CACNA1B: variants seen among roughly 807,000 people sequenced by gnomAD.
The protein encoded by CACNA1B is voltage-dependent N-type calcium channel subunit alpha-1B.
In CACNA1B, 70 loss-of-function variants were observed where a neutral mutation model predicts 247.2. The ratio of observed to expected loss-of-function variants is 0.28; its 90% CI spans 0.23 to 0.35. The LOEUF is 0.35. CACNA1B is among the 10% of genes least tolerant of loss of function. CACNA1B has a pLI of 1.00. For synonymous variants in CACNA1B, 1,231 were observed against 1,294.4 expected (o/e 0.95, Z 1.05); for missense variants, 2,367 against 3,197.4 (o/e 0.74, Z 6.26).
rs1960156961 is a variant in CACNA1B, at chr9:138,072,220, C to T, written c.4675-1268C>T. On this transcript the variant is annotated intron_variant, in intron 32 of 46. Transcript: ENST00000371372. This position sits in a 1 kb window ranked among gnomAD's most constrained non-coding sequence, Gnocchi z 4.5. Reference sequence around the variant, plus strand: ...AGTCCTGCTCCCACAGTTGCAGCATCCCGCCTGAGAGCCAGTACCTCGAGT... The same window carrying T: ...AGTCCTGCTCCCACAGTTGCAGCATTCCGCCTGAGAGCCAGTACCTCGAGT... Among the ~76,000 whole-genome samples the T allele has an allele frequency of 6.6e-6, 1 of 152,214 alleles. No homozygotes were observed. The highest frequency in any genetic ancestry group is 1.9e-4 in the East Asian group (1 of 5,184).
At chr9:138,115,750 C>A in intron 42 of CACNA1B, 71 bp downstream of exon 42, 3 of 1,477,328 alleles carry the variant, frequency 2.0e-6, no homozygotes, top group South Asian at 2.6e-5. Context: ...AAGCAGACAT[C>A]CCATTTCCTC....
Position 138,052,929 on chromosome 9 carries a change from C to T in CACNA1B, c.3807+741C>T, listed in dbSNP as rs115274359. 6.6e-6 allele frequency among the ~76,000 whole-genome samples: 1 copy of T among 152,186 alleles called. No individual in the cohort carries two copies. The highest frequency in any genetic ancestry group is 1.5e-5 in the Non-Finnish European group (1 of 68,044). ...GACGGTTGTGGCCCCACCTTCCCGT[C>T]ACAGCTAGATCAGAGCAGCCTGTGA... On this transcript the variant is annotated intron_variant, in intron 25 of 46. Coordinates refer to ENST00000371372, the MANE Select transcript of CACNA1B (RefSeq NM_000718.4). This position sits in a 1 kb window ranked among gnomAD's most constrained non-coding sequence, Gnocchi z 5.1.
chr9:137,952,209 G>A lies in CACNA1B; in HGVS notation c.967-65G>A. On this transcript the variant is annotated intron_variant, in intron 6 of 46. Transcript: ENST00000371372. The surrounding 1 kb of genome is among the most constrained non-coding windows in gnomAD (Gnocchi z 4.8). ...GAAGGAGGCCTGTTGGGGGCTGGGG[G>A]TGCTCCTGTGGCCGGGACTGTGTTT... The A allele has an allele frequency of 7.7e-7, 1 of 1,292,616 alleles. No homozygotes were observed. Among genetic ancestry groups the A allele is most frequent in the Non-Finnish European group, 1.1e-6 (1 of 890,728 alleles). 80.1% of individuals were successfully genotyped at this position (1,292,616 alleles called of 1,614,324 possible). A position where few individuals can be genotyped will look rare whatever the true frequency, so the allele number is the denominator to read the frequency against.
intron 15 of CACNA1B, among the ~76,000 whole-genome samples, chr9:137,988,118 T>G (rs969757553): frequency 1.3e-5 from 2 of 152,240 alleles, no homozygotes; most frequent in Non-Finnish European, 2.9e-5. Flanking sequence ...CAGATGTTTT[T>G]GAGCTCTTAG....
At chr9:138,096,447 T>G (rs1455427850) in intron 36 of CACNA1B, 37 bp from the exon 37 acceptor site, 1 of 1,598,568 alleles carries the variant, frequency 6.3e-7, no homozygotes, top group Admixed American at 1.7e-5. Flanking sequence ...CAGGCTGAGG[T>G]CTCTCTCCGT....
chr9:138,013,594 A>C (rs1345491442), intron 18 of CACNA1B, among the ~76,000 whole-genome samples: 1 of 152,158 alleles, frequency 6.6e-6, no homozygotes, highest in African/African-American at 2.4e-5. Flanking sequence ...GCTTTTCAGA[A>C]ATTTATTTTA....
At chr9:138,069,591 C>G (rs1404105609) in intron 31 of CACNA1B, among the ~76,000 whole-genome samples, 167 bp from the exon 32 acceptor site, 1 of 152,096 alleles carries the variant, frequency 6.6e-6, no homozygotes, top group Non-Finnish European at 1.5e-5. Flanking sequence ...CTTTTGTTTT[C>G]TGTTTTTGTT....
At chr9:137,979,912 C>G (rs879303347) in intron 12 of CACNA1B, among the ~76,000 whole-genome samples, 1 of 152,196 alleles carries the variant, frequency 6.6e-6, no homozygotes, top group African/African-American at 2.4e-5. Context: ...AGCAAGGGGA[C>G]ACCAGGAAGC....
intron 25 of CACNA1B, among the ~76,000 whole-genome samples, chr9:138,053,016 G>T (rs1246446693): frequency 1.3e-5 from 2 of 152,248 alleles, no homozygotes; most frequent in Non-Finnish European, 2.9e-5. Context: ...TTCCAGGTTG[G>T]GAGGGACCCA....
chr9:137,943,542 A>C (rs1307509439), intron 6 of CACNA1B, among the ~76,000 whole-genome samples: 1 of 151,988 alleles, frequency 6.6e-6, no homozygotes, highest in East Asian at 1.9e-4. Context: ...GCTTCAATCC[A>C]GCCAGTAAAG....
At chr9:137,956,897 C>A in intron 9 of CACNA1B, 70 bp downstream of exon 9, 1 of 1,289,268 alleles carries the variant, frequency 7.8e-7, no homozygotes, top group Non-Finnish European at 1.1e-6. Flanking sequence ...TGACACGTGC[C>A]TGCTTGCATG....
intron 10 of CACNA1B, among the ~76,000 whole-genome samples, chr9:137,963,550 C>G (rs1468371120): frequency 6.6e-6 from 1 of 152,186 alleles, no homozygotes; most frequent in Non-Finnish European, 1.5e-5. Flanking sequence ...GCATGTGCCA[C>G]CACACCTGGC....
At chr9:138,053,377 A>G (rs1357678767) in intron 25 of CACNA1B, among the ~76,000 whole-genome samples, 1 of 152,164 alleles carries the variant, frequency 6.6e-6, no homozygotes, top group East Asian at 1.9e-4. Context: ...TTGTGTGTCA[A>G]GGAAGCTGGC....
In CACNA1B at chr9:138,054,781, G is replaced by A. The variant is rs1246953711; in HGVS notation, c.3968+775G>A. Among the ~76,000 whole-genome samples the A allele has an allele frequency of 1.3e-5, 2 of 152,186 alleles. No homozygotes were observed. Among genetic ancestry groups the A allele is most frequent in the Non-Finnish European group, 2.9e-5 (2 of 68,038 alleles). ...TGTGTAAAATTACACTCTCTCCAGC[G>A]TAGATGAGAGCCCCACATCCTAGCT... On this transcript the variant is annotated intron_variant, in intron 26 of 46. Coordinates refer to ENST00000371372, the MANE Select transcript of CACNA1B (RefSeq NM_000718.4). The surrounding 1 kb of genome is among the most constrained non-coding windows in gnomAD (Gnocchi z 4.6).
At chr9:138,070,617 A>T (rs1268354664) in intron 32 of CACNA1B, among the ~76,000 whole-genome samples, 4 of 152,240 alleles carry the variant, frequency 2.6e-5, no homozygotes, top group Non-Finnish European at 5.9e-5. Flanking sequence ...TGATACAGCG[A>T]TTCACAATTG....
intron 15 of CACNA1B, among the ~76,000 whole-genome samples, chr9:137,992,454 C>T (rs999150941): frequency 6.6e-6 from 1 of 152,124 alleles, no homozygotes; most frequent in African/African-American, 2.4e-5. Context: ...TACTACTAGA[C>T]CTAAGAAATG....
rs918531150 is a variant in CACNA1B, at chr9:137,877,893, C to T, written c.-41C>T. On this transcript the variant is annotated 5_prime_UTR_variant, in exon 1 of 47. Transcript: ENST00000371372. ...CTGGCGCGCCCCGCGCCCTCCCTGC[C>T]GGGGCCGCTGGGCCGGGGATGCACG... is the stretch of plus-strand genomic sequence containing the variant. The T allele has an allele frequency of 9.2e-6, 9 of 980,976 alleles. No homozygotes were observed. The Admixed American group carries it at 1.7e-4, about 19-fold the overall frequency. 60.8% of individuals were successfully genotyped at this position (980,976 alleles called of 1,614,324 possible).
chr9:138,043,668 T>G, intron 20 of CACNA1B, 106 bp from the exon 21 acceptor site: 1 of 1,307,088 alleles, frequency 7.7e-7, no homozygotes, highest in Non-Finnish European at 1.1e-6. Flanking sequence ...GGTGGGCCTG[T>G]GAGGACCTGA....
rs1961302112 is a variant in CACNA1B, at chr9:138,102,928, T to C, written c.5319+121T>C. ...CCCGGCTGTCTGTCTGCCGCTCTGC[T>C]GTGCGCCCCCGGCTGCCTCACTGTG... On this transcript the variant is annotated intron_variant, in intron 38 of 46. Coordinates refer to ENST00000371372, the MANE Select transcript of CACNA1B (RefSeq NM_000718.4). The surrounding 1 kb of genome is among the most constrained non-coding windows in gnomAD (Gnocchi z 5.4). The C allele has an allele frequency of 3.2e-6, 2 of 616,592 alleles. No individual in the cohort carries two copies. Among genetic ancestry groups the C allele is most frequent in the East Asian group, 5.9e-5 (2 of 34,050 alleles). 38.2% of individuals were successfully genotyped at this position (616,592 alleles called of 1,614,324 possible). A position where few individuals can be genotyped will look rare whatever the true frequency, so the allele number is the denominator to read the frequency against.
Sources: allele counts gnomAD v4.1 joint callset (sites outside exome capture counted in the v4.1 genomes callset), GRCh38; gene constraint gnomAD v4.1.1; non-coding constraint Gnocchi (gnomAD v3.1); transcripts MANE v1.5; gene names NCBI Gene and HGNC (gene_info 2026-07-23, HGNC 2026-07-21).